The following RBBP9 variants were observed in gnomAD, a reference collection of about 807,000 sequenced individuals.
RBBP9 encodes the protein serine hydrolase RBBP9.
In RBBP9, 20 loss-of-function variants were observed where a neutral mutation model predicts 24.2. That is an observed-to-expected ratio of 0.83 (90% CI 0.58 to 1.20). The LOEUF is 1.20. Among genes scored for constraint, RBBP9 ranks in the 50% most tolerant of loss-of-function variants. The probability of loss-of-function intolerance (pLI) is 0.00; values close to 1 mark genes in which losing one functional copy is unlikely to be tolerated. For synonymous variants in RBBP9, 74 were observed against 84.6 expected (o/e 0.87, Z 0.69); for missense variants, 234 against 233.6 (o/e 1.00, Z -0.01).
At chr20:18,493,917 T>C (rs1030492715) in intron 3 of RBBP9, 41 bp downstream of exon 3, 5 of 1,457,400 alleles carry the variant, frequency 3.4e-6, no homozygotes, top group Non-Finnish European at 4.7e-6. Context: ...CAAGCATGAC[T>C]GGAGCCCACA....
intron 2 of RBBP9, among the ~76,000 whole-genome samples, chr20:18,495,327 T>G (rs1002819452): frequency 6.8e-6 from 1 of 146,126 alleles, no homozygotes; most frequent in Non-Finnish European, 1.5e-5. Flanking sequence ...CTGTGTCCAC[T>G]CAGGGTTAAA....
intron 2 of RBBP9, among the ~76,000 whole-genome samples, chr20:18,495,634 T>A (rs1240810030): frequency 2.2e-5 from 3 of 133,424 alleles, no homozygotes; most frequent in African/African-American, 5.7e-5. Context: ...AATGACAAAT[T>A]CACAGAATTG....
chr20:18,488,565 C>CA lies in RBBP9; in HGVS notation c.*1198dup, dbSNP rs11482977. ...ACAGGCATGAGCCACCACACCCAGC[C>CA]AAAAAAAGGTTTTCTGAGGAAGTAT... On this transcript the variant is annotated 3_prime_UTR_variant, in exon 5 of 5. Coordinates refer to ENST00000337227, the MANE Select transcript of RBBP9 (RefSeq NM_006606.3). 0.23 allele frequency: 34,619 copies of CA among 151,724 alleles called. 4,272 individuals are homozygous for CA. Among genetic ancestry groups the CA allele is most frequent in the Non-Finnish European group, 0.27 (18,254 of 67,950 alleles). 9.4% of individuals were successfully genotyped at this position (151,724 alleles called of 1,614,324 possible). A position where few individuals can be genotyped will look rare whatever the true frequency, so the allele number is the denominator to read the frequency against.
rs892072918 is a variant in RBBP9 at position 18,487,484 on chromosome 20, CT to C, written c.*2279del. ...TCCAAAAAATTCAAGTAGAATCAAA[CT>C]TTGACTATAGATTTGGTCAAATTAG... On this transcript the variant is annotated 3_prime_UTR_variant, in exon 5 of 5. Transcript: ENST00000337227. 6.6e-6 allele frequency: 1 copy of C among 152,168 alleles called. No homozygotes were observed. Among genetic ancestry groups the C allele is most frequent in the African/African-American group, 2.4e-5 (1 of 41,452 alleles). The allele number at this position is 152,168 out of a possible 1,614,324, so 9.4% of individuals were successfully genotyped here.
At chr20:18,497,007 G>A (rs2059889016) in intron 1 of RBBP9, 62 bp downstream of exon 1, 17 of 1,416,468 alleles carry the variant, frequency 1.2e-5, no homozygotes, top group Non-Finnish European at 1.7e-5. Context: ...TCAGCCCTCA[G>A]TCCTCTCCCG....
intron 1 of RBBP9, among the ~76,000 whole-genome samples, chr20:18,496,765 G>A (rs1441914156): frequency 6.6e-6 from 1 of 152,108 alleles, no homozygotes; most frequent in Non-Finnish European, 1.5e-5. Context: ...AATTATCTGG[G>A]AAGTCCCAAA....
At chr20:18,492,546 C>G (rs572483000) in intron 3 of RBBP9, among the ~76,000 whole-genome samples, 2 of 152,298 alleles carry the variant, frequency 1.3e-5, no homozygotes, top group South Asian at 4.1e-4. Flanking sequence ...TCAGGGGACA[C>G]ATGATGCCAG....
chr20:18,487,084 G>A lies in RBBP9; in HGVS notation c.*2680C>T, dbSNP rs2059846789. On this transcript the variant is annotated 3_prime_UTR_variant, in exon 5 of 5. Coordinates refer to ENST00000337227, the MANE Select transcript of RBBP9 (RefSeq NM_006606.3). ...TACAAAATATATGTCCTAGACCAAT[G>A]TTGTCCAATAGAGCTTTCTATAATG... 1 of 152,204 alleles carries A rather than the reference G, an allele frequency of 6.6e-6. No individual in the cohort carries two copies. Among genetic ancestry groups the A allele is most frequent in the Non-Finnish European group, 1.5e-5 (1 of 68,034 alleles). The allele number at this position is 152,204 out of a possible 1,614,324, so 9.4% of individuals were successfully genotyped here. A position where few individuals can be genotyped will look rare whatever the true frequency, so the allele number is the denominator to read the frequency against.
intron 3 of RBBP9, among the ~76,000 whole-genome samples, chr20:18,492,723 A>T (rs1190736108): frequency 5.3e-5 from 8 of 152,204 alleles, no homozygotes; most frequent in Admixed American, 5.2e-4. Flanking sequence ...TCGTTTTGGC[A>T]TCCATTTTTC....
intron 3 of RBBP9, among the ~76,000 whole-genome samples, chr20:18,491,691 T>C (rs1568586962): frequency 6.6e-6 from 1 of 152,174 alleles, no homozygotes; most frequent in South Asian, 2.1e-4. Context: ...GTAGTAATAA[T>C]TTCAAGGGGC....
At chr20:18,490,063 G>T in intron 4 of RBBP9, 73 bp from the exon 5 acceptor site, 2 of 1,099,130 alleles carry the variant, frequency 1.8e-6, no homozygotes, top group Non-Finnish European at 2.6e-6. Flanking sequence ...AATACCTACT[G>T]GCGACCCACA....
At chr20:18,492,081 A>G in intron 3 of RBBP9, among the ~76,000 whole-genome samples, 1 of 120,836 alleles carries the variant, frequency 8.3e-6, no homozygotes. Context: ...CGGGCAACAG[A>G]GGGAGGCTCT....
rs774369398 is a variant in RBBP9 at position 18,489,913 on chromosome 20, C to G, written c.412G>C (p.Asp138His). The change falls in exon 5 of 5, where the codon GAC becomes CAC. Residue 138 changes from aspartate to histidine, a missense_variant. Physicochemically the swap from Asp to His is moderately conservative, Grantham distance 81 (BLOSUM62 -1). Transcript: ENST00000337227. ...PYIVQFGSTDDPFLPWKEQQE... is the reference protein window; with the variant it reads ...PYIVQFGSTDHPFLPWKEQQE... ...TGTTCCTTCCAGGGAAGGAACGGGT[C>G]GTCAGTAGAGCCAAACTGCACAATG... 2 of 1,613,640 alleles carry G rather than the reference C, an allele frequency of 1.2e-6. No homozygotes were observed. The highest frequency in any genetic ancestry group is 2.7e-5 in the African/African-American group (2 of 74,874).
rs1376168433 is a variant in RBBP9 at position 18,490,381 on chromosome 20, A to T, written c.334+14T>A. 6.2e-7 allele frequency: 1 copy of T among 1,603,258 alleles called. No homozygotes were observed. The highest frequency in any genetic ancestry group is 8.5e-7 in the Non-Finnish European group (1 of 1,170,136). On this transcript the variant is annotated intron_variant, in intron 4 of 4. Transcript: ENST00000337227. ...AGAGAAGGGCTTTGCTCAGATTTCT[A>T]CCTTTGGACTTACCACTTGCACGCT...
rs756403076 is a variant in RBBP9, at chr20:18,489,727, C to T, written c.*37G>A. 4.9e-5 allele frequency: 67 copies of T among 1,367,718 alleles called. 1 individual carries two copies. The Middle Eastern group carries it at 6.7e-4, about 14-fold the overall frequency. 84.7% of individuals were successfully genotyped at this position (1,367,718 alleles called of 1,614,324 possible). On this transcript the variant is annotated 3_prime_UTR_variant, in exon 5 of 5. Coordinates refer to ENST00000337227, the MANE Select transcript of RBBP9 (RefSeq NM_006606.3). Reference sequence around the variant, plus strand: ...AGCTGATAGTAGATATTATTCTACTCCTATATTGGGATGCAAAATAGCAGA... The same window carrying T: ...AGCTGATAGTAGATATTATTCTACTTCTATATTGGGATGCAAAATAGCAGA...
rs766705497 is a variant in RBBP9, at chr20:18,489,830, G to C, written c.495C>G (p.His165Gln). 6.2e-7 allele frequency: 1 copy of C among 1,614,050 alleles called. No homozygotes were observed. Among genetic ancestry groups the C allele is most frequent in the African/African-American group, 1.3e-5 (1 of 75,046 alleles). The change falls in exon 5 of 5, where the codon CAC becomes CAG. Residue 165 changes from histidine to glutamine, a missense_variant. His to Gln is a conservative substitution (Grantham distance 24). Transcript: ENST00000337227. ...GTTCATGAAACTCTGTGTTCTGAAA[G>C]TGGCCACAGTCAGTGAATTTGTGCA... Reference protein sequence around the residue: ...TKLHKFTDCGHFQNTEFHELI... With the variant: ...TKLHKFTDCGQFQNTEFHELI...
In RBBP9 at chr20:18,488,646, A is replaced by G. The variant is rs1159090186; in HGVS notation, c.*1118T>C. 1 of 152,266 alleles carries G rather than the reference A, an allele frequency of 6.6e-6. No individual in the cohort carries two copies. The highest frequency in any genetic ancestry group is 1.5e-5 in the Non-Finnish European group (1 of 68,050). 9.4% of individuals were successfully genotyped at this position (152,266 alleles called of 1,614,324 possible). On this transcript the variant is annotated 3_prime_UTR_variant, in exon 5 of 5. Coordinates refer to ENST00000337227, the MANE Select transcript of RBBP9 (RefSeq NM_006606.3). ...AGATCTAAAGGGCCATGGAAGTTAA[A>G]AGGTTTAACTCTATAGAACAGAACA...
chr20:18,494,144 C>A (rs2059875320), intron 2 of RBBP9, 81 bp from the exon 3 acceptor site: 1 of 1,091,566 alleles, frequency 9.2e-7, no homozygotes, highest in Non-Finnish European at 1.4e-6. Flanking sequence ...TTCAAACAGG[C>A]AACTATTCAG....
intron 2 of RBBP9, among the ~76,000 whole-genome samples, chr20:18,494,523 CA>C (rs1261192755): frequency 6.6e-6 from 1 of 151,258 alleles, no homozygotes; most frequent in Non-Finnish European, 1.5e-5. Context: ...GCTAAAAATA[CA>C]AAAAAAATTA....
Sources: allele counts gnomAD v4.1 joint callset (sites outside exome capture counted in the v4.1 genomes callset), GRCh38; gene constraint gnomAD v4.1.1; transcripts MANE v1.5; gene names NCBI Gene and HGNC (gene_info 2026-07-23, HGNC 2026-07-21).